Variants in COL11A1 observed in about 807,000 individuals in gnomAD.
COL11A1 encodes collagen type XI alpha 1 chain.
COL11A1 carries 74 observed loss-of-function variants against 265.2 expected under a neutral mutation model. The observed-to-expected ratio is 0.28, with a 90% CI of 0.23 to 0.34. The LOEUF is 0.34. Among genes scored for constraint, COL11A1 ranks in the 10% least tolerant of loss-of-function variants. COL11A1 has a pLI of 1.00. For missense variants in COL11A1, 2,165 were observed against 2,263.6 expected (o/e 0.96, Z 0.88); for synonymous variants, 816 against 727.6 (o/e 1.12, Z -1.96).
At chr1:102,884,881 T>C (rs2169609) in intron 63 of COL11A1, among the ~76,000 whole-genome samples, 74,359 of 152,112 alleles carry the variant, frequency 0.49, 21,782 homozygotes, top group East Asian at 0.67. Context: ...TTCACTCCTA[T>C]AACCCTTAGT....
intron 55 of COL11A1, 37 bp downstream of exon 55, chr1:102,898,904 T>C: frequency 9.7e-7 from 1 of 1,035,098 alleles, no homozygotes; most frequent in Non-Finnish European, 1.3e-6. Context: ...ATATATAATA[T>C]ATAATATATA....
chr1:103,108,052 C>T (rs1224703272), intron 1 of COL11A1, 21 bp downstream of exon 1: 1 of 1,599,076 alleles, frequency 6.3e-7, no homozygotes, highest in African/African-American at 1.3e-5. Flanking sequence ...CTCCCACCTC[C>T]CCAAATCCAT....
intron 54 of COL11A1, among the ~76,000 whole-genome samples, chr1:102,901,570 CAT>C (rs1219700102): frequency 6.6e-6 from 1 of 152,156 alleles, no homozygotes; most frequent in Non-Finnish European, 1.5e-5. Flanking sequence ...ACTTATTCCT[CAT>C]ATGTTTGCAT....
intron 54 of COL11A1, among the ~76,000 whole-genome samples, chr1:102,908,087 A>G (rs1405268180): frequency 2.0e-5 from 3 of 152,044 alleles, no homozygotes; most frequent in Non-Finnish European, 4.4e-5. Context: ...GTCAGAGTAC[A>G]TTTTTGTTAA....
intron 18 of COL11A1, among the ~76,000 whole-genome samples, chr1:103,005,505 G>A (rs1228394828): frequency 6.6e-6 from 1 of 152,044 alleles, no homozygotes; most frequent in African/African-American, 2.4e-5. Flanking sequence ...GCAATGAAAA[G>A]GTTGAAGGAA....
At chr1:103,098,368 T>C (rs1407697158) in intron 1 of COL11A1, among the ~76,000 whole-genome samples, 1 of 151,920 alleles carries the variant, frequency 6.6e-6, no homozygotes, top group Non-Finnish European at 1.5e-5. Flanking sequence ...TATTTATATA[T>C]TGGTTTCCTG....
intron 66 of COL11A1, among the ~76,000 whole-genome samples, chr1:102,879,321 C>T (rs1361019217): frequency 7.2e-5 from 11 of 152,054 alleles, no homozygotes; most frequent in Non-Finnish European, 1.6e-4. Context: ...ATGGTGATTC[C>T]TTTATCTGTC....
intron 46 of COL11A1, among the ~76,000 whole-genome samples, chr1:102,927,321 G>A (rs539192219): frequency 1.8e-4 from 27 of 152,134 alleles, no homozygotes; most frequent in African/African-American, 6.5e-4. Context: ...TAATCTTTCC[G>A]TGGATCACTA....
At chr1:103,083,308 G>A (rs1227613975) in intron 1 of COL11A1, among the ~76,000 whole-genome samples, 1 of 150,286 alleles carries the variant, frequency 6.7e-6, no homozygotes, top group Non-Finnish European at 1.5e-5. Flanking sequence ...GGAATTTAAA[G>A]TTTCCTATAT....
At chr1:102,902,011 A>G (rs1434106964) in intron 54 of COL11A1, among the ~76,000 whole-genome samples, 1 of 152,232 alleles carries the variant, frequency 6.6e-6, no homozygotes, top group South Asian at 2.1e-4. Flanking sequence ...CAAAATAGGT[A>G]CAATGATCCA....
chr1:102,929,486 T>C (rs1657102197), intron 46 of COL11A1, among the ~76,000 whole-genome samples: 2 of 152,250 alleles, frequency 1.3e-5, no homozygotes, highest in South Asian at 4.1e-4. Context: ...GCTGTTTTGG[T>C]TACTGTAGCC....
chr1:102,885,265 CT>C (rs577008632), intron 63 of COL11A1, among the ~76,000 whole-genome samples: 40 of 151,066 alleles, frequency 2.6e-4, no homozygotes, highest in Middle Eastern at 3.4e-3. Flanking sequence ...TCTTGTTAAC[CT>C]TTTTTTTTAT....
At chr1:102,927,402 T>C (rs140602617) in intron 46 of COL11A1, among the ~76,000 whole-genome samples, 95 of 152,140 alleles carry the variant, frequency 6.2e-4, no homozygotes, top group Non-Finnish European at 1.1e-3. Flanking sequence ...GCAGTGAACA[T>C]CAAGCGGAAG....
At chr1:102,933,535 T>C (rs576025855) in intron 46 of COL11A1, among the ~76,000 whole-genome samples, 25 of 152,168 alleles carry the variant, frequency 1.6e-4, no homozygotes, top group African/African-American at 2.4e-4. Flanking sequence ...GAGGTTACTG[T>C]TGTCTTGTTT....
intron 2 of COL11A1, among the ~76,000 whole-genome samples, chr1:103,079,603 T>A (rs115450391): frequency 0.015 from 2,229 of 152,134 alleles, 45 homozygotes; most frequent in African/African-American, 0.051. Context: ...AATTAAGTAA[T>A]GAGTACTTAT....
intron 9 of COL11A1, 42 bp from the exon 10 acceptor site, chr1:103,018,901 C>A: frequency 1.3e-6 from 2 of 1,490,480 alleles, no homozygotes; most frequent in Non-Finnish European, 1.9e-6. Flanking sequence ...GGAAATATAA[C>A]CCCCAACCTC....
At chr1:102,997,226 C>A in intron 25 of COL11A1, 102 bp from the exon 26 acceptor site, 1 of 1,105,950 alleles carries the variant, frequency 9.0e-7, no homozygotes, top group South Asian at 1.3e-5. Flanking sequence ...AGATCTTACT[C>A]TTTAAGTTTC....
rs146300740 is a variant in COL11A1 at position 102,952,666 on chromosome 1, T to G, written c.3169-5710A>C. The stretch of plus-strand genomic sequence containing the variant: ...AACTGCAATTTCTTTTTCTATTAGT[T>G]ACTTCAAACACTCTCAAAGCCTAGA... On this transcript the variant is annotated intron_variant, in intron 41 of 66. Transcript: ENST00000370096. Among the ~76,000 whole-genome samples, 781 of 152,328 alleles carry G rather than the reference T, an allele frequency of 5.1e-3. 8 individuals carry two copies. Among genetic ancestry groups the G allele is most frequent in the Non-Finnish European group, 7.0e-3 (476 of 68,036 alleles).
chr1:103,097,210 G>T (rs1181655997), intron 1 of COL11A1, among the ~76,000 whole-genome samples: 4 of 151,912 alleles, frequency 2.6e-5, no homozygotes, highest in African/African-American at 9.7e-5. Context: ...TTTAATTAGT[G>T]ACATGTTTCC....
Sources: gnomAD v4.1 joint callset for allele counts (sites outside exome capture counted in the v4.1 genomes callset) on GRCh38, gnomAD v4.1.1 for gene constraint, MANE v1.5 for transcripts, NCBI Gene and HGNC (gene_info 2026-07-23, HGNC 2026-07-21) for gene names.